Variants in VWA8 observed in about 807,000 individuals in gnomAD.
VWA8 encodes von Willebrand factor A domain containing 8.
In VWA8, 221 loss-of-function variants were observed where a neutral mutation model predicts 241.5. The ratio of observed to expected loss-of-function variants is 0.91; its 90% CI spans 0.82 to 1.02. VWA8 has a LOEUF of 1.02. Among genes scored for constraint, VWA8 ranks in the 50% least tolerant of loss-of-function variants. VWA8 has a pLI of 0.00. For synonymous variants in VWA8, 852 were observed against 827.1 expected (o/e 1.03, Z -0.52); for missense variants, 2,322 against 2,328.7 (o/e 1.00, Z 0.06).
chr13:41,864,989 C>CAAAAA (rs35515775), intron 12 of VWA8, among the ~76,000 whole-genome samples: 3 of 75,078 alleles, frequency 4.0e-5, no homozygotes, highest in African/African-American at 5.7e-5. Context: ...AACTCCATCT[C>CAAAAA]AAAAAAAAAA....
intron 4 of VWA8, among the ~76,000 whole-genome samples, chr13:41,905,857 T>G (rs1408868841): frequency 6.6e-6 from 1 of 152,112 alleles, no homozygotes; most frequent in Non-Finnish European, 1.5e-5. Flanking sequence ...ATGATAATTC[T>G]GTTGTATGAG....
At chr13:41,776,283 TAA>T (rs1254036951) in intron 20 of VWA8, among the ~76,000 whole-genome samples, 2 of 152,216 alleles carry the variant, frequency 1.3e-5, no homozygotes, top group African/African-American at 4.8e-5. Context: ...GTTTAACTTA[TAA>T]AGAGTTTGTG....
intron 14 of VWA8, among the ~76,000 whole-genome samples, chr13:41,820,927 A>G (rs1870926473): frequency 6.6e-6 from 1 of 152,212 alleles, no homozygotes; most frequent in African/African-American, 2.4e-5. Context: ...AGTTAGGACA[A>G]AAAAAGGTAG....
chr13:41,784,697 C>CATATATATATATAT lies in VWA8; in HGVS notation c.2171-810_2171-797dup, dbSNP rs59582293. ...CTCTCTCTTTATACATATACATATA[C>CATATATATATATAT]ATATATATATATATATATATATATA... On this transcript the variant is annotated intron_variant, in intron 18 of 44. Coordinates refer to ENST00000379310, the MANE Select transcript of VWA8 (RefSeq NM_015058.2). Among the ~76,000 whole-genome samples, 311 of 56,886 alleles carry CATATATATATATAT rather than the reference C, an allele frequency of 5.5e-3. 1 individual carries two copies. Among genetic ancestry groups the CATATATATATATAT allele is most frequent in the East Asian group, 0.013 (23 of 1,738 alleles). The allele number at this position is 56,886 out of a possible 152,430, so 37.3% of individuals were successfully genotyped here.
chr13:41,610,009 C>T lies in VWA8; in HGVS notation c.4877+1567G>A, dbSNP rs542243563. 1.1e-4 allele frequency among the ~76,000 whole-genome samples: 16 copies of T among 152,294 alleles called. 1 individual carries two copies. In the South Asian group the frequency reaches 3.3e-3, roughly 32 times the overall value. On this transcript the variant is annotated intron_variant, in intron 39 of 44. Coordinates refer to ENST00000379310, the MANE Select transcript of VWA8 (RefSeq NM_015058.2). Reference sequence around the variant, plus strand: ...ATTATGGCAACAGGAGAAGGGCGTACATACTTGTGGCCAGGCACTGTTACC... The same window carrying T: ...ATTATGGCAACAGGAGAAGGGCGTATATACTTGTGGCCAGGCACTGTTACC...
At chr13:41,670,346 C>T (rs1353230059) in intron 37 of VWA8, among the ~76,000 whole-genome samples, 1 of 151,224 alleles carries the variant, frequency 6.6e-6, no homozygotes, top group East Asian at 1.9e-4. Flanking sequence ...TAGATGATGA[C>T]TGAGTCATTT....
chr13:41,679,621 C>T (rs1179512455), intron 35 of VWA8, among the ~76,000 whole-genome samples: 2 of 152,150 alleles, frequency 1.3e-5, no homozygotes, highest in African/African-American at 4.8e-5. Flanking sequence ...TCCCCATCTG[C>T]ATTAAATAAA....
intron 37 of VWA8, 51 bp from the exon 38 acceptor site, chr13:41,615,135 G>A (rs1333196009): frequency 6.3e-7 from 1 of 1,582,082 alleles, no homozygotes; most frequent in African/African-American, 1.3e-5. Context: ...AAACACCAGG[G>A]ACTGCATGAC....
At chr13:41,924,602 C>T (rs956531518) in intron 2 of VWA8, among the ~76,000 whole-genome samples, 2 of 152,050 alleles carry the variant, frequency 1.3e-5, no homozygotes, top group Non-Finnish European at 2.9e-5. Context: ...GGACAGAAAG[C>T]TTATTTAATG....
At chr13:41,773,197 G>A (rs1419897314) in intron 20 of VWA8, among the ~76,000 whole-genome samples, 7 of 152,220 alleles carry the variant, frequency 4.6e-5, no homozygotes, top group Non-Finnish European at 1.0e-4. Context: ...GCATTTGACT[G>A]AAAACACCAG....
chr13:41,767,754 AAAT>A (rs1436292987), intron 20 of VWA8, among the ~76,000 whole-genome samples: 2 of 152,322 alleles, frequency 1.3e-5, no homozygotes, highest in East Asian at 1.9e-4. Flanking sequence ...TTTCACATGA[AAAT>A]AATAATATCT....
intron 2 of VWA8, among the ~76,000 whole-genome samples, chr13:41,940,837 AT>A (rs1408960399): frequency 6.6e-6 from 1 of 152,204 alleles, no homozygotes; most frequent in Non-Finnish European, 1.5e-5. Context: ...TACCATCATC[AT>A]CTTGATGTAC....
chr13:41,833,585 C>T, intron 12 of VWA8, 54 bp from the exon 13 acceptor site: 1 of 1,510,036 alleles, frequency 6.6e-7, no homozygotes, highest in East Asian at 2.4e-5. Context: ...ATTTTTAAGA[C>T]ATGCAAGGTA....
intron 2 of VWA8, among the ~76,000 whole-genome samples, chr13:41,918,826 A>C (rs1051462885): frequency 1.3e-5 from 2 of 152,220 alleles, no homozygotes; most frequent in Non-Finnish European, 2.9e-5. Flanking sequence ...ACATATACAT[A>C]GTCATTTTTT....
intron 40 of VWA8, among the ~76,000 whole-genome samples, 172 bp from the exon 41 acceptor site, chr13:41,590,937 C>T (rs2044450441): frequency 6.6e-6 from 1 of 152,104 alleles, no homozygotes; most frequent in Admixed American, 6.6e-5. Context: ...CAAATAAATG[C>T]CCTTTGTCCG....
intron 20 of VWA8, among the ~76,000 whole-genome samples, chr13:41,765,652 G>A (rs926247823): frequency 1.3e-5 from 2 of 151,924 alleles, no homozygotes; most frequent in Non-Finnish European, 2.9e-5. Flanking sequence ...TTTTCCCACT[G>A]GGAAACTTAG....
chr13:41,938,650 C>CAAA (rs367709095), intron 2 of VWA8, among the ~76,000 whole-genome samples: 4 of 128,174 alleles, frequency 3.1e-5, no homozygotes, highest in African/African-American at 8.5e-5. Flanking sequence ...GACTGCGTCT[C>CAAA]AAAAAAAAAA....
At chr13:41,628,983 A>G (rs10467474) in intron 37 of VWA8, among the ~76,000 whole-genome samples, 5,030 of 152,072 alleles carry the variant, frequency 0.033, 282 homozygotes, top group African/African-American at 0.11. Context: ...GGAGGTTGCA[A>G]TGAGCCATGA....
At chr13:41,819,815 A>C (rs1870872040) in intron 14 of VWA8, among the ~76,000 whole-genome samples, 2 of 152,232 alleles carry the variant, frequency 1.3e-5, no homozygotes, top group African/African-American at 4.8e-5. Flanking sequence ...ACCAAGAGGC[A>C]CAATTCAGGA....
Sources: gnomAD v4.1 joint callset for allele counts (sites outside exome capture counted in the v4.1 genomes callset) on GRCh38, gnomAD v4.1.1 for gene constraint, MANE v1.5 for transcripts, NCBI Gene and HGNC (gene_info 2026-07-23, HGNC 2026-07-21) for gene names.